Variants in ZNF385D observed in about 807,000 individuals in gnomAD.
ZNF385D encodes the protein zinc finger protein 659.
Under a neutral mutation model 35.8 loss-of-function variants are expected in ZNF385D, and 15 were observed. The ratio of observed to expected loss-of-function variants is 0.42; its 90% CI spans 0.28 to 0.64. The LOEUF is 0.64. Among genes scored for constraint, ZNF385D ranks in the 30% least tolerant of loss-of-function variants. The probability of loss-of-function intolerance (pLI) is 0.23; values close to 1 mark genes in which losing one functional copy is unlikely to be tolerated. For missense variants in ZNF385D, 474 were observed against 494.6 expected, an observed-to-expected ratio of 0.96 and a Z score of 0.39; for synonymous variants, 212 against 186.8, an observed-to-expected ratio of 1.13 and a Z score of -1.10.
intron 2 of ZNF385D, among the ~76,000 whole-genome samples, chr3:22,347,107 T>C (rs889532237): frequency 1.6e-4 from 25 of 152,288 alleles, no homozygotes; most frequent in Middle Eastern, 3.4e-3. Flanking sequence ...GAGAGACACA[T>C]ATTTTGCACC....
intron 2 of ZNF385D, among the ~76,000 whole-genome samples, chr3:22,365,145 G>C (rs1349343499): frequency 6.6e-6 from 1 of 152,004 alleles, no homozygotes; most frequent in Non-Finnish European, 1.5e-5. Flanking sequence ...AGTTTTGCAA[G>C]ATGAAAAGAG....
chr3:22,317,010 A>G (rs993919), intron 2 of ZNF385D, among the ~76,000 whole-genome samples: 45,621 of 151,562 alleles, frequency 0.3, 7,744 homozygotes, highest in African/African-American at 0.46. Context: ...GGGAGCAGTG[A>G]CTCACCCCTG....
chr3:21,670,236 G>C (rs923525259), intron 1 of ZNF385D, among the ~76,000 whole-genome samples: 5 of 151,556 alleles, frequency 3.3e-5, no homozygotes, highest in African/African-American at 1.2e-4. Flanking sequence ...CAACTTATCT[G>C]TATTGAAATA....
chr3:21,664,667 CAACCGAATCG>C (rs1383240222), intron 2 of ZNF385D, among the ~76,000 whole-genome samples: 2 of 152,168 alleles, frequency 1.3e-5, no homozygotes, highest in African/African-American at 2.4e-5. Context: ...AACTCATGAT[CAACCGAATCG>C]GATCGAATCT....
chr3:21,829,346 A>C (rs1198150876), intron 3 of ZNF385D, among the ~76,000 whole-genome samples: 2 of 152,126 alleles, frequency 1.3e-5, no homozygotes, highest in South Asian at 4.1e-4. Context: ...GGAGGCAAAG[A>C]GCTTTCTCAG....
intron 3 of ZNF385D, among the ~76,000 whole-genome samples, chr3:22,155,628 A>G (rs1705533112): frequency 6.6e-6 from 1 of 152,054 alleles, no homozygotes; most frequent in Non-Finnish European, 1.5e-5. Flanking sequence ...CACTTTCCTG[A>G]TTGTCTCAAA....
chr3:22,001,661 T>A (rs1298496624), intron 3 of ZNF385D, among the ~76,000 whole-genome samples: 2 of 152,034 alleles, frequency 1.3e-5, no homozygotes, highest in African/African-American at 4.8e-5. Context: ...ATCCAGCAGC[T>A]GCAGAATACA....
At chr3:21,933,156 T>C (rs1321979448) in intron 3 of ZNF385D, among the ~76,000 whole-genome samples, 1 of 152,188 alleles carries the variant, frequency 6.6e-6, no homozygotes, top group Non-Finnish European at 1.5e-5. Context: ...TGGAGAGCTA[T>C]ATATTTAAAG....
At chr3:22,307,440 A>C (rs1327216102) in intron 2 of ZNF385D, among the ~76,000 whole-genome samples, 4 of 152,172 alleles carry the variant, frequency 2.6e-5, no homozygotes, top group Non-Finnish European at 5.9e-5. Context: ...GCAGTGGTTT[A>C]AAGTTATATC....
chr3:21,713,038 G>C (rs546254884), intron 1 of ZNF385D, among the ~76,000 whole-genome samples: 1 of 152,210 alleles, frequency 6.6e-6, no homozygotes, highest in East Asian at 1.9e-4. Flanking sequence ...TCTTTCACTT[G>C]CCCACTATGC....
At chr3:21,446,307 T>C (rs1192076104) in intron 4 of ZNF385D, among the ~76,000 whole-genome samples, 1 of 152,076 alleles carries the variant, frequency 6.6e-6, no homozygotes, top group Non-Finnish European at 1.5e-5. Context: ...AAATGAGAGA[T>C]TGAGTGACCA....
At chr3:22,045,453 C>A (rs1698936029) in intron 3 of ZNF385D, among the ~76,000 whole-genome samples, 3 of 152,066 alleles carry the variant, frequency 2.0e-5, no homozygotes, top group Admixed American at 2.0e-4. Flanking sequence ...ATTGGGAACC[C>A]CCTCCACTGT....
chr3:21,415,725 AG>A lies in ZNF385D; in HGVS notation c.*5488del. ...AAATTGCCTTTAGAGATGACCTGCC[AG>A]TCTGAAAATAACATGACCCCATTAT... On this transcript the variant is annotated 3_prime_UTR_variant, in exon 8 of 8. Transcript: ENST00000281523. 6.6e-6 allele frequency: 1 copy of A among 152,166 alleles called. No homozygotes were observed. The highest frequency in any genetic ancestry group is 2.1e-4 in the South Asian group (1 of 4,836). The allele number at this position is 152,166 out of a possible 1,614,324, so 9.4% of individuals were successfully genotyped here.
At chr3:21,944,182 T>A (rs111567741) in intron 3 of ZNF385D, among the ~76,000 whole-genome samples, 2 of 152,236 alleles carry the variant, frequency 1.3e-5, no homozygotes, top group East Asian at 1.9e-4. Flanking sequence ...CCCAGCAGCA[T>A]TGCACTTTCT....
At chr3:22,278,608 T>G (rs1251716136) in intron 2 of ZNF385D, among the ~76,000 whole-genome samples, 1 of 152,120 alleles carries the variant, frequency 6.6e-6, no homozygotes, top group East Asian at 1.9e-4. Flanking sequence ...CATTCCTGCA[T>G]CAGCCAACTC....
intron 4 of ZNF385D, among the ~76,000 whole-genome samples, chr3:21,501,782 ACT>A (rs1264120783): frequency 2.0e-5 from 3 of 152,114 alleles, no homozygotes; most frequent in African/African-American, 7.2e-5. Context: ...AGGAGGAAAA[ACT>A]CTCCATGAAC....
At position 21,839,275 on chromosome 3, in the gene ZNF385D, T is replaced by A. The variant is rs377422589; in HGVS notation, c.326-174247A>T. The stretch of plus-strand genomic sequence containing the variant: ...ACCAGTTAATCAACCAACCACATTT[T>A]AAAATCTCATATTATGAAATTCTCA... On this transcript the variant is annotated intron_variant, in intron 3 of 5. Coordinates refer to the ZNF385D transcript ENST00000494108. Among the ~76,000 whole-genome samples, 187 of 152,154 alleles carry A rather than the reference T, an allele frequency of 1.2e-3. 1 individual carries two copies. Among genetic ancestry groups the A allele is most frequent in the South Asian group, 0.01 (49 of 4,830 alleles).
At chr3:21,713,266 C>G (rs2068184586) in intron 1 of ZNF385D, among the ~76,000 whole-genome samples, 1 of 152,182 alleles carries the variant, frequency 6.6e-6, no homozygotes, top group Non-Finnish European at 1.5e-5. Context: ...AGAAGACTGC[C>G]CATCTGCAGA....
chr3:21,698,048 A>G (rs2067534194), intron 1 of ZNF385D, among the ~76,000 whole-genome samples: 1 of 152,180 alleles, frequency 6.6e-6, no homozygotes, highest in African/African-American at 2.4e-5. Context: ...AGACTTCTCA[A>G]AAAAGTAAAG....
Sources: allele counts gnomAD v4.1 joint callset (sites outside exome capture counted in the v4.1 genomes callset), GRCh38; gene constraint gnomAD v4.1.1; transcripts MANE v1.5; gene names NCBI Gene and HGNC (gene_info 2026-07-23, HGNC 2026-07-21).